Variants in SCUBE1 observed in about 807,000 individuals in gnomAD.
SCUBE1 encodes the protein signal peptide, CUB and EGF-like domain-containing protein 1.
SCUBE1 carries 59 observed loss-of-function variants against 124.4 expected under a neutral mutation model. That is an observed-to-expected ratio of 0.47 (90% CI 0.38 to 0.59). The LOEUF (loss-of-function observed/expected upper bound fraction) is 0.59, where lower values mean the gene tolerates loss of function less well. Among genes scored for constraint, SCUBE1 ranks in the 20% least tolerant of loss-of-function variants. SCUBE1 has a pLI of 0.00. For synonymous variants in SCUBE1, 545 were observed against 550.9 expected, an observed-to-expected ratio of 0.99 and a Z score of 0.15; for missense variants, 1,150 against 1,371.2, an observed-to-expected ratio of 0.84 and a Z score of 2.55.
Position 43,231,782 on chromosome 22 carries a change from T to C in SCUBE1, c.938A>G (p.Lys313Arg). ...GCAGGTGCGCTCGTCGGTGAGCAGC[T>C]TGTAGCCCTTCCGGCAGCCGCACTC... ...SFECGCRKGY[K>R]LLTDERTCQD... The change falls in exon 8 of 22, where the codon AAG becomes AGG. Residue 313 changes from lysine (K) to arginine (R), a missense_variant. Transcript: ENST00000360835. 1.2e-6 allele frequency: 2 copies of C among 1,608,014 alleles called. No individual in the cohort carries two copies. The highest frequency in any genetic ancestry group is 2.2e-5 in the East Asian group (1 of 44,586).
intron 2 of SCUBE1, among the ~76,000 whole-genome samples, chr22:43,330,453 A>T (rs567802711): frequency 5.9e-5 from 9 of 152,054 alleles, no homozygotes; most frequent in Non-Finnish European, 1.0e-4. Flanking sequence ...TCTTGTTTGT[A>T]TTTTCATTGC....
intron 21 of SCUBE1, among the ~76,000 whole-genome samples, chr22:43,204,599 C>T (rs1357301388): frequency 6.6e-6 from 1 of 151,680 alleles, no homozygotes; most frequent in East Asian, 2.0e-4. Flanking sequence ...GCGCCTGGCC[C>T]GTAACTGGTT....
intron 2 of SCUBE1, among the ~76,000 whole-genome samples, chr22:43,329,688 G>T (rs1926842359): frequency 6.6e-6 from 1 of 152,194 alleles, no homozygotes; most frequent in Admixed American, 6.5e-5. Context: ...ACTCTTTCTA[G>T]CCAGAGGCTG....
intron 3 of SCUBE1, among the ~76,000 whole-genome samples, chr22:43,312,672 A>C (rs963140089): frequency 1.3e-5 from 2 of 152,158 alleles, no homozygotes; most frequent in African/African-American, 4.8e-5. Context: ...CCTTGGCCCA[A>C]GGAGGCTGAA....
At chr22:43,296,165 G>C (rs540626069) in intron 3 of SCUBE1, among the ~76,000 whole-genome samples, 1 of 152,288 alleles carries the variant, frequency 6.6e-6, no homozygotes, top group East Asian at 1.9e-4. Flanking sequence ...CTACCCTGGC[G>C]ACCCCACACA....
intron 6 of SCUBE1, among the ~76,000 whole-genome samples, chr22:43,248,375 C>T (rs1923302707): frequency 6.6e-6 from 1 of 152,220 alleles, no homozygotes; most frequent in Admixed American, 6.5e-5. Flanking sequence ...TGCCCCGAGC[C>T]CTCGTCTTTT....
intron 6 of SCUBE1, 115 bp from the exon 7 acceptor site, chr22:43,239,069 G>T: frequency 2.6e-6 from 2 of 772,962 alleles, no homozygotes; most frequent in Non-Finnish European, 4.4e-6. Flanking sequence ...TCAAGCTCTG[G>T]CTCTGATATA....
intron 1 of SCUBE1, among the ~76,000 whole-genome samples, chr22:43,339,866 TATCCCCCCACAAGCATCA>T: frequency 1.1e-5 from 1 of 87,954 alleles, no homozygotes. Flanking sequence ...CTCTCCTCAC[TATCCCCCCACAAGCATCA>T]CTCCAACCCT....
chr22:43,308,002 C>T (rs939540867), intron 3 of SCUBE1, among the ~76,000 whole-genome samples: 8 of 152,102 alleles, frequency 5.3e-5, no homozygotes, highest in Non-Finnish European at 8.8e-5. Flanking sequence ...ACAGTCCCCC[C>T]ACCCAATCCC....
In SCUBE1 at chr22:43,258,128, G is replaced by A. The variant is rs1923732477; in HGVS notation, c.727+91C>T. On this transcript the variant is annotated intron_variant, in intron 6 of 21. Coordinates refer to ENST00000360835, the MANE Select transcript of SCUBE1 (RefSeq NM_173050.5). The surrounding 1 kb of genome is among the most constrained non-coding windows in gnomAD (Gnocchi z 5.0). ...CTGAAGCTTCCTTCCGGGGAACCCG[G>A]ACGTGGCAGGGTGCTGGCCCTGCTG... 2.2e-6 allele frequency: 2 copies of A among 904,594 alleles called. No individual in the cohort carries two copies. Among genetic ancestry groups the A allele is most frequent in the Non-Finnish European group, 3.6e-6 (2 of 550,246 alleles). The allele number at this position is 904,594 out of a possible 1,614,324, so 56.0% of individuals were successfully genotyped here.
At chr22:43,260,407 C>T (rs745724971) in intron 5 of SCUBE1, among the ~76,000 whole-genome samples, 22 of 152,342 alleles carry the variant, frequency 1.4e-4, no homozygotes, top group Non-Finnish European at 2.8e-4. Context: ...CCTCTAGCTC[C>T]GGCCCTGGAG....
chr22:43,198,138 T>C lies in SCUBE1; in HGVS notation c.*5859A>G, dbSNP rs375721592. On this transcript the variant is annotated 3_prime_UTR_variant, in exon 22 of 22. Coordinates refer to ENST00000360835, the MANE Select transcript of SCUBE1 (RefSeq NM_173050.5). ...CTTAACCCCACCATCTACATGGGGC[T>C]GGGGGGATGGAATGTGTGGATATTA... The C allele has an allele frequency of 7.5e-5, 16 of 214,346 alleles. No homozygotes were observed. The highest frequency in any genetic ancestry group is 3.5e-4 in the African/African-American group (15 of 43,370). 13.3% of individuals were successfully genotyped at this position (214,346 alleles called of 1,614,324 possible).
chr22:43,248,242 A>C (rs1403342290), intron 6 of SCUBE1, among the ~76,000 whole-genome samples: 1 of 152,184 alleles, frequency 6.6e-6, no homozygotes, highest in African/African-American at 2.4e-5. Flanking sequence ...GGGATGGAGT[A>C]CAGTGGGAGG....
Position 43,214,103 on chromosome 22 carries a change from C to G in SCUBE1, c.2040G>C (p.Val680=). The G allele has an allele frequency of 6.7e-7, 1 of 1,494,112 alleles. No homozygotes were observed. Among genetic ancestry groups the G allele is most frequent in the Non-Finnish European group, 9.0e-7 (1 of 1,106,002 alleles). 92.6% of individuals were successfully genotyped at this position (1,494,112 alleles called of 1,614,324 possible). The change falls in exon 16 of 22, where the codon GTG becomes GTC. Residue 680 remains valine, a synonymous_variant. Coordinates refer to ENST00000360835, the MANE Select transcript of SCUBE1 (RefSeq NM_173050.5). ...GCCCGCACTTGCCTCCACATTCCGA[C>G]ACGTTGCGGGCACCAGGCAGACCAA... ...DGLGLPGARN[V]SECGGQCSPG...
At chr22:43,304,776 C>T (rs1271403481) in intron 3 of SCUBE1, among the ~76,000 whole-genome samples, 1 of 152,140 alleles carries the variant, frequency 6.6e-6, no homozygotes, top group African/African-American at 2.4e-5. Flanking sequence ...CCTAAAATGT[C>T]CTCCCTTCAC....
chr22:43,287,192 C>T (rs2146747333), intron 4 of SCUBE1, among the ~76,000 whole-genome samples: 1 of 152,268 alleles, frequency 6.6e-6, no homozygotes, highest in Middle Eastern at 3.4e-3. Context: ...TGGCCAGATT[C>T]CAACATCTCG....
intron 1 of SCUBE1, among the ~76,000 whole-genome samples, chr22:43,341,934 T>C (rs936102729): frequency 3.3e-5 from 5 of 150,108 alleles, no homozygotes; most frequent in Admixed American, 3.3e-4. Flanking sequence ...CACTCAGAGG[T>C]GAGGGACCCC....
At chr22:43,280,542 C>CCTGTCCCTTCCCCTCACCCATCCTT (rs1350757722) in intron 4 of SCUBE1, among the ~76,000 whole-genome samples, 5,412 of 68,292 alleles carry the variant, frequency 0.079, 604 homozygotes, top group East Asian at 0.42. Flanking sequence ...CACCCATCCT[C>CCTGTCCCTTCCCCTCACCCATCCTT]CTGTCCCTTC....
intron 2 of SCUBE1, 58 bp downstream of exon 2, chr22:43,339,046 C>T: frequency 6.2e-7 from 1 of 1,601,994 alleles, no homozygotes; most frequent in South Asian, 1.1e-5. Context: ...AGGCATCGGC[C>T]ACCTACAGCA....
Sources: allele counts gnomAD v4.1 joint callset (sites outside exome capture counted in the v4.1 genomes callset), GRCh38; gene constraint gnomAD v4.1.1; non-coding constraint Gnocchi (gnomAD v3.1); transcripts MANE v1.5; gene names NCBI Gene and HGNC (gene_info 2026-07-23, HGNC 2026-07-21).